The following TEX36 variants were observed in gnomAD, a reference collection of about 807,000 sequenced individuals.
TEX36 encodes testis expressed 36.
Under a neutral mutation model 13.6 loss-of-function variants are expected in TEX36, and 12 were observed. The observed-to-expected ratio is 0.88, with a 90% CI of 0.56 to 1.43. The LOEUF (loss-of-function observed/expected upper bound fraction) is 1.43, where lower values mean the gene tolerates loss of function less well. Ranked by LOEUF, TEX36 falls within the 40% of genes most tolerant of loss-of-function variation. TEX36 has a pLI of 0.00. For synonymous variants in TEX36, 93 were observed against 83.0 expected (o/e 1.12, Z -0.65); for missense variants, 224 against 228.3 (o/e 0.98, Z 0.12).
chr10:125,618,327 T>C (rs1018399453), downstream of TEX36, among the ~76,000 whole-genome samples: 2 of 151,568 alleles, frequency 1.3e-5, no homozygotes, highest in Admixed American at 1.3e-4. Context: ...CCGTTGCTGG[T>C]GAGGAACTGC....
At chr10:125,596,366 G>T (rs552696053) in intron 3 of TEX36, among the ~76,000 whole-genome samples, 5 of 152,244 alleles carry the variant, frequency 3.3e-5, no homozygotes, top group African/African-American at 1.2e-4. Context: ...AGAAGGAAAG[G>T]GAAGAGGAGG....
At chr10:125,682,867 T>C in intron 1 of TEX36, 72 bp downstream of exon 1, 6 of 1,495,424 alleles carry the variant, frequency 4.0e-6, no homozygotes, top group Non-Finnish European at 1.8e-6. Context: ...AGAAGCAGGA[T>C]TGGAACTCCT....
intron 3 of TEX36, among the ~76,000 whole-genome samples, chr10:125,639,084 G>T (rs1352309034): frequency 6.6e-6 from 1 of 152,190 alleles, no homozygotes; most frequent in Non-Finnish European, 1.5e-5. Context: ...AGCAGTGAAA[G>T]AATTCAAATG....
chr10:125,585,754 T>C (rs190486902), intron 3 of TEX36, among the ~76,000 whole-genome samples: 1 of 152,372 alleles, frequency 6.6e-6, no homozygotes, highest in African/African-American at 2.4e-5. Flanking sequence ...ATCCACTTCT[T>C]TCATCAGACT....
At chr10:125,657,295 TG>T (rs1846963067) in intron 3 of TEX36, among the ~76,000 whole-genome samples, 1 of 151,974 alleles carries the variant, frequency 6.6e-6, no homozygotes, top group South Asian at 2.1e-4. Flanking sequence ...TACGTGTGGG[TG>T]TGTGTAAGGA....
chr10:125,667,614 C>T lies in TEX36; in HGVS notation c.52-5637G>A, dbSNP rs534776999. ...CCATTTGTCCCTGCAAGGGAGACCA[C>T]GCCCTTGTCTACCTTGCTGCCCCCA... On this transcript the variant is annotated intron_variant, in intron 1 of 3. Transcript: ENST00000368821. 206 of 725,306 alleles carry T rather than the reference C, an allele frequency of 2.8e-4. 1 individual carries two copies. The highest frequency in any genetic ancestry group is 9.8e-4 in the East Asian group (39 of 39,822). 44.9% of individuals were successfully genotyped at this position (725,306 alleles called of 1,614,324 possible).
chr10:125,671,337 T>G (rs1164953993), intron 1 of TEX36, among the ~76,000 whole-genome samples: 2 of 152,212 alleles, frequency 1.3e-5, no homozygotes, highest in African/African-American at 4.8e-5. Context: ...GTTTTTAACA[T>G]GAAGGGATGT....
At chr10:125,614,498 A>T (rs1846332146) in intron 3 of TEX36, among the ~76,000 whole-genome samples, 1 of 151,742 alleles carries the variant, frequency 6.6e-6, no homozygotes, top group Admixed American at 6.6e-5. Flanking sequence ...CTTTCTACAT[A>T]TGGCTAGCCA....
intron 3 of TEX36, among the ~76,000 whole-genome samples, chr10:125,642,890 T>C (rs1846710961): frequency 6.6e-6 from 1 of 152,230 alleles, no homozygotes; most frequent in South Asian, 2.1e-4. Flanking sequence ...TATTTACTTT[T>C]AGATTGCCTT....
intron 3 of TEX36, among the ~76,000 whole-genome samples, chr10:125,595,844 T>C (rs976407465): frequency 2.0e-5 from 3 of 152,334 alleles, no homozygotes; most frequent in Non-Finnish European, 4.4e-5. Context: ...CTAGTTATTG[T>C]CTCCCTGTCT....
intron 3 of TEX36, among the ~76,000 whole-genome samples, chr10:125,607,476 G>C (rs1246215009): frequency 2.6e-5 from 4 of 152,178 alleles, no homozygotes; most frequent in Non-Finnish European, 5.9e-5. Context: ...GTGATTCTCA[G>C]AACATCTCTA....
chr10:125,612,006 T>C (rs1053497605), intron 3 of TEX36, among the ~76,000 whole-genome samples: 2 of 152,084 alleles, frequency 1.3e-5, no homozygotes, highest in African/African-American at 4.8e-5. Context: ...TGTGGCCTAC[T>C]GTAGCATGCG....
chr10:125,594,656 T>C (rs1430631565), intron 3 of TEX36, among the ~76,000 whole-genome samples: 1 of 152,242 alleles, frequency 6.6e-6, no homozygotes, highest in East Asian at 1.9e-4. Context: ...CTGACATTTT[T>C]GAAATATTAA....
intron 1 of TEX36, chr10:125,667,667 G>T (rs1288164865): frequency 2.8e-6 from 2 of 720,004 alleles, no homozygotes; most frequent in Non-Finnish European, 5.1e-6. Context: ...GACAACTTGG[G>T]GGAAAGGACG....
chr10:125,581,571 C>G (rs774519520), intron 3 of TEX36, among the ~76,000 whole-genome samples: 1 of 152,230 alleles, frequency 6.6e-6, no homozygotes, highest in Non-Finnish European at 1.5e-5. Context: ...ACCTACTTCT[C>G]TCAGAGTCAG....
At position 125,661,558 on chromosome 10, in the gene TEX36, T is replaced by G. The variant is rs183910913; in HGVS notation, c.183+288A>C. ...TGCCACTGCAGGGCCTGGAAGTTGC[T>G]CAGGAATTGGCCGGGGAGGCAGGAG... On this transcript the variant is annotated intron_variant, in intron 2 of 3. Coordinates refer to ENST00000368821, the MANE Select transcript of TEX36 (RefSeq NM_001128202.3). 3.2e-4 allele frequency among the ~76,000 whole-genome samples: 48 copies of G among 152,186 alleles called. No homozygotes were observed. The East Asian group carries it at 9.1e-3, about 29-fold the overall frequency.
intron 3 of TEX36, among the ~76,000 whole-genome samples, chr10:125,614,255 T>C (rs1846328284): frequency 6.6e-6 from 1 of 152,252 alleles, no homozygotes; most frequent in African/African-American, 2.4e-5. Context: ...GATGGTAGTT[T>C]CTTTTGCTGT....
intron 3 of TEX36, among the ~76,000 whole-genome samples, chr10:125,616,214 T>G (rs935918273): frequency 1.3e-5 from 2 of 152,252 alleles, no homozygotes; most frequent in Non-Finnish European, 2.9e-5. Context: ...ATCAATTTTG[T>G]TGATCCTTTC....
intron 3 of TEX36, among the ~76,000 whole-genome samples, chr10:125,589,503 C>T (rs1845997808): frequency 6.6e-6 from 1 of 152,272 alleles, no homozygotes; most frequent in South Asian, 2.1e-4. Context: ...GGATACTCTA[C>T]TATTTTAAAG....
Sources: gnomAD v4.1 joint callset for allele counts (sites outside exome capture counted in the v4.1 genomes callset) on GRCh38, gnomAD v4.1.1 for gene constraint, MANE v1.5 for transcripts, NCBI Gene and HGNC (gene_info 2026-07-23, HGNC 2026-07-21) for gene names.